CACNA1A: variants seen among roughly 807,000 people sequenced by gnomAD.
The protein encoded by CACNA1A is voltage-dependent P/Q-type calcium channel subunit alpha-1A.
CACNA1A carries 57 observed loss-of-function variants against 262.4 expected under a neutral mutation model. The observed-to-expected ratio is 0.22, with a 90% confidence interval of 0.18 to 0.27. The LOEUF is 0.27. Ranked by LOEUF, CACNA1A falls within the 10% of genes least tolerant of loss-of-function variation. The probability of loss-of-function intolerance (pLI) is 1.00; values close to 1 mark genes in which losing one functional copy is unlikely to be tolerated. For missense variants in CACNA1A, 2,526 were observed against 3,562.8 expected, an observed-to-expected ratio of 0.71 and a Z score of 7.41; for synonymous variants, 1,431 against 1,419.3, an observed-to-expected ratio of 1.01 and a Z score of -0.18.
intron 30 of CACNA1A, among the ~76,000 whole-genome samples, chr19:13,245,881 A>AGACC (rs1386611650): frequency 1.5e-4 from 23 of 152,146 alleles, no homozygotes; most frequent in African/African-American, 5.1e-4. Context: ...CATGTTGGTC[A>AGACC]GGCTGGTCTC....
At chr19:13,249,949 G>A (rs2056352535) in intron 30 of CACNA1A, among the ~76,000 whole-genome samples, 1 of 152,168 alleles carries the variant, frequency 6.6e-6, no homozygotes, top group African/African-American at 2.4e-5. Context: ...TAAGCTGGTG[G>A]TCAAGAGAAC....
At chr19:13,255,753 T>TCCC (rs2056542711) in intron 28 of CACNA1A, among the ~76,000 whole-genome samples, 1 of 55,988 alleles carries the variant, frequency 1.8e-5, no homozygotes, top group East Asian at 7.3e-4. Flanking sequence ...CCCTCCCTCC[T>TCCC]TCCCTCCCTC....
At chr19:13,475,034 C>G (rs553068593) in intron 1 of CACNA1A, among the ~76,000 whole-genome samples, 1 of 152,174 alleles carries the variant, frequency 6.6e-6, no homozygotes, top group African/African-American at 2.4e-5. Context: ...ATTAGAAGCA[C>G]TATAGGAAGA....
chr19:13,216,427 T>A (rs778007152), intron 38 of CACNA1A, among the ~76,000 whole-genome samples: 1 of 67,070 alleles, frequency 1.5e-5, no homozygotes, highest in African/African-American at 8.4e-5. Context: ...AACCTCCACC[T>A]TCAGAGTTCA....
intron 3 of CACNA1A, among the ~76,000 whole-genome samples, chr19:13,413,894 A>AGAG (rs1568621754): frequency 1.2e-5 from 1 of 86,740 alleles, no homozygotes; most frequent in African/African-American, 6.0e-5. Flanking sequence ...AGAAAGAAAG[A>AGAG]AAAAGAAAGA....
intron 6 of CACNA1A, among the ~76,000 whole-genome samples, chr19:13,352,406 A>AC (rs2058929139): frequency 6.7e-6 from 1 of 149,576 alleles, no homozygotes; most frequent in South Asian, 2.1e-4. Context: ...TCCATCTCAA[A>AC]AAAAAAAAAA....
chr19:13,279,775 C>A (rs911425982), intron 22 of CACNA1A, among the ~76,000 whole-genome samples: 4 of 150,688 alleles, frequency 2.7e-5, no homozygotes, highest in African/African-American at 9.8e-5. Context: ...GCGAGCCCGG[C>A]CCACTGTGCC....
chr19:13,462,618 A>G (rs73925164), intron 1 of CACNA1A, among the ~76,000 whole-genome samples: 5,690 of 152,274 alleles, frequency 0.037, 351 homozygotes, highest in African/African-American at 0.13. Context: ...CATTTCTACA[A>G]GGTGGGTTCT....
At chr19:13,297,849 CAG>C (rs760900021) in intron 19 of CACNA1A, among the ~76,000 whole-genome samples, 4 of 150,688 alleles carry the variant, frequency 2.7e-5, no homozygotes, top group Middle Eastern at 3.2e-3. Context: ...TTTTTTGAGA[CAG>C]AGTCTTGCTC....
chr19:13,324,012 G>A (rs1434672190), intron 10 of CACNA1A, among the ~76,000 whole-genome samples: 4 of 152,152 alleles, frequency 2.6e-5, no homozygotes, highest in African/African-American at 9.7e-5. Flanking sequence ...TGGATGAATG[G>A]ATAAAGAAAA....
intron 3 of CACNA1A, among the ~76,000 whole-genome samples, chr19:13,385,322 C>T (rs2059592518): frequency 6.6e-6 from 1 of 151,736 alleles, no homozygotes; most frequent in African/African-American, 2.4e-5. Context: ...CTCCGCTTCC[C>T]AGGTTCAAGC....
chr19:13,374,966 G>A lies in CACNA1A; in HGVS notation c.540-3187C>T, dbSNP rs182791558. The stretch of plus-strand genomic sequence containing the variant: ...GATTATGGACGTGAGCCACCACACC[G>A]GCCGAGGAAGACTTCATTTCATTGT... On this transcript the variant is annotated intron_variant, in intron 3 of 46. Coordinates refer to ENST00000360228, the MANE Select transcript of CACNA1A (RefSeq NM_001127222.2). Among the ~76,000 whole-genome samples the A allele has an allele frequency of 2.9e-3, 440 of 152,238 alleles. 1 individual carries two copies. Among genetic ancestry groups the A allele is most frequent in the African/African-American group, 9.8e-3 (406 of 41,538 alleles).
chr19:13,466,320 TTTC>T (rs1424937529), intron 1 of CACNA1A, among the ~76,000 whole-genome samples: 6 of 151,572 alleles, frequency 4.0e-5, no homozygotes, highest in African/African-American at 1.5e-4. Context: ...TTTTTTTTTT[TTTC>T]CTTTTCTTTT....
chr19:13,219,855 A>G (rs2055156438), intron 38 of CACNA1A, among the ~76,000 whole-genome samples: 1 of 151,638 alleles, frequency 6.6e-6, no homozygotes. Flanking sequence ...TGGGAGGCTG[A>G]GGCAGAATCA....
intron 38 of CACNA1A, among the ~76,000 whole-genome samples, chr19:13,217,927 C>CTT (rs33920209): frequency 1.1e-4 from 10 of 91,498 alleles, no homozygotes; most frequent in Admixed American, 2.7e-4. Context: ...ATAGTTCATT[C>CTT]TTTTTTTTTT....
intron 1 of CACNA1A, among the ~76,000 whole-genome samples, chr19:13,476,475 T>C (rs143460588): frequency 1.2e-3 from 182 of 152,294 alleles, no homozygotes; most frequent in Middle Eastern, 3.4e-3. Context: ...CATTGAGCCC[T>C]CACCACCTGT....
chr19:13,305,314 C>CA (rs1162320601), intron 15 of CACNA1A, among the ~76,000 whole-genome samples: 1 of 152,132 alleles, frequency 6.6e-6, no homozygotes, highest in African/African-American at 2.4e-5. Flanking sequence ...TCCTTGGGGG[C>CA]AGAGCAGGGG....
chr19:13,240,355 T>C (rs1468483401), intron 31 of CACNA1A, among the ~76,000 whole-genome samples: 1 of 152,050 alleles, frequency 6.6e-6, no homozygotes, highest in Non-Finnish European at 1.5e-5. Context: ...GCATGCATAG[T>C]GGCTCTGTGT....
At chr19:13,354,161 T>C (rs2058963551) in intron 6 of CACNA1A, among the ~76,000 whole-genome samples, 1 of 152,172 alleles carries the variant, frequency 6.6e-6, no homozygotes, top group Non-Finnish European at 1.5e-5. Flanking sequence ...GCCAGGATCT[T>C]ACAAAGGGCT....
Sources: allele counts gnomAD v4.1 joint callset (sites outside exome capture counted in the v4.1 genomes callset), GRCh38; gene constraint gnomAD v4.1.1; transcripts MANE v1.5; gene names NCBI Gene and HGNC (gene_info 2026-07-23, HGNC 2026-07-21).